LPP: variants seen among roughly 807,000 people sequenced by gnomAD.
LPP encodes the protein LIM domain containing preferred translocation partner in lipoma, also known as lipoma-preferred partner.
LPP carries 38 observed loss-of-function variants against 60.4 expected under a neutral mutation model. The ratio of observed to expected loss-of-function variants is 0.63; its 90% CI spans 0.49 to 0.83. LPP has a LOEUF of 0.83. Among genes scored for constraint, LPP ranks in the 40% least tolerant of loss-of-function variants. The pLI is 0.00. For missense variants in LPP, 902 were observed against 783.6 expected, an observed-to-expected ratio of 1.15 and a Z score of -1.80; for synonymous variants, 328 against 290.8, an observed-to-expected ratio of 1.13 and a Z score of -1.30.
At chr3:188,232,963 G>C (rs770224437) in intron 2 of LPP, among the ~76,000 whole-genome samples, 3 of 152,070 alleles carry the variant, frequency 2.0e-5, no homozygotes, top group Non-Finnish European at 4.4e-5. Context: ...TAAATGTTAA[G>C]TTTCTGATCA....
chr3:188,275,896 G>T (rs6797042), intron 2 of LPP, among the ~76,000 whole-genome samples: 7,236 of 151,838 alleles, frequency 0.048, 377 homozygotes, highest in African/African-American at 0.13. Context: ...GGCTGATCTC[G>T]AACTCCTGAC....
In LPP at chr3:188,609,816, C is replaced by G. The variant is rs770700192; in HGVS notation, c.1085C>G (p.Ala362Gly). Reference sequence around the variant, plus strand: ...ACCTATATCACAGATCCTGTTTCAGCCCCCTGTGCGCCACCATTGCAGCCA... The same window carrying G: ...ACCTATATCACAGATCCTGTTTCAGGCCCCTGTGCGCCACCATTGCAGCCA... ...KKTYITDPVS[A>G]PCAPPLQPKG... is the part of the protein sequence containing the mutation. The change falls in exon 7 of 12, where the codon GCC becomes GGC. Residue 362 changes from alanine (A) to glycine (G), a missense_variant. By Grantham distance (60) the Ala-to-Gly change is moderately conservative. Transcript: ENST00000617246. The surrounding 1 kb of genome is among the most constrained non-coding windows in gnomAD (Gnocchi z 6.9). 4 of 1,612,500 alleles carry G rather than the reference C, an allele frequency of 2.5e-6. No individual in the cohort carries two copies. The highest frequency in any genetic ancestry group is 1.6e-4 in the Middle Eastern group (1 of 6,072).
rs574135684 is a variant in LPP, at chr3:188,890,171, G to A, written c.*15692G>A. 7.3e-5 allele frequency: 16 copies of A among 217,878 alleles called. No homozygotes were observed. In the East Asian group the frequency reaches 1.1e-3, roughly 15 times the overall value. 13.5% of individuals were successfully genotyped at this position (217,878 alleles called of 1,614,324 possible). On this transcript the variant is annotated 3_prime_UTR_variant, in exon 12 of 12. Transcript: ENST00000617246. ...TCTCTATGCTAAATGTGTCTACTAA[G>A]AGCAGCACTTCCTACTAGCTAAGCA...
chr3:188,520,339 A>G (rs925885426), intron 5 of LPP, among the ~76,000 whole-genome samples: 2 of 152,116 alleles, frequency 1.3e-5, no homozygotes, highest in Admixed American at 6.5e-5. Flanking sequence ...TCAGCTCTGC[A>G]CAGGTGTGAC....
At chr3:188,671,185 A>G (rs1856880566) in intron 7 of LPP, among the ~76,000 whole-genome samples, 1 of 152,222 alleles carries the variant, frequency 6.6e-6, no homozygotes, top group African/African-American at 2.4e-5. Context: ...TATTATAACG[A>G]CCATAGATAC....
chr3:188,803,777 T>C (rs1025592720), intron 9 of LPP, among the ~76,000 whole-genome samples: 2 of 152,204 alleles, frequency 1.3e-5, no homozygotes, highest in Non-Finnish European at 2.9e-5. Flanking sequence ...TCAAAATTGT[T>C]TGGCTGTTCT....
chr3:188,848,932 C>T (rs1040169318), intron 9 of LPP, among the ~76,000 whole-genome samples: 4 of 150,702 alleles, frequency 2.7e-5, no homozygotes, highest in Non-Finnish European at 4.4e-5. Context: ...CACCACTGCA[C>T]TCCAGTCTGA....
chr3:188,621,156 G>C (rs780951652), intron 7 of LPP, among the ~76,000 whole-genome samples: 1 of 151,012 alleles, frequency 6.6e-6, no homozygotes, highest in South Asian at 2.1e-4. Context: ...AAAAAGAGTC[G>C]TTTATGTGGG....
chr3:188,754,072 T>C (rs1332130764), intron 8 of LPP, among the ~76,000 whole-genome samples: 1 of 152,208 alleles, frequency 6.6e-6, no homozygotes, highest in Admixed American at 6.5e-5. Flanking sequence ...GTTTGATGTA[T>C]GATGTGATAT....
chr3:188,496,055 T>C (rs1384385387), intron 5 of LPP, among the ~76,000 whole-genome samples: 1 of 152,174 alleles, frequency 6.6e-6, no homozygotes, highest in Non-Finnish European at 1.5e-5. Flanking sequence ...GCTATTATTA[T>C]CATTATTTTA....
chr3:188,473,427 G>A (rs1400639250), intron 4 of LPP, among the ~76,000 whole-genome samples: 1 of 152,090 alleles, frequency 6.6e-6, no homozygotes, highest in Non-Finnish European at 1.5e-5. Context: ...AGAGAGAGTT[G>A]TTCAATCTTT....
chr3:188,204,443 A>G lies in LPP; in HGVS notation c.-189-20962A>G, dbSNP rs148739308. ...CAGGAGGGCAACAGGGAATCTTGCA[A>G]TTGGAGTAGCGGGGGGTGATTCTCA... On this transcript the variant is annotated intron_variant, in intron 1 of 11. Coordinates refer to ENST00000617246, the MANE Select transcript of LPP (RefSeq NM_001375462.1). Among the ~76,000 whole-genome samples, 154 of 152,236 alleles carry G rather than the reference A, an allele frequency of 1.0e-3. 1 individual carries two copies. The highest frequency in any genetic ancestry group is 3.4e-3 in the African/African-American group (140 of 41,546).
intron 1 of LPP, among the ~76,000 whole-genome samples, chr3:188,222,347 T>C (rs1204388229): frequency 6.6e-6 from 1 of 152,160 alleles, no homozygotes; most frequent in Non-Finnish European, 1.5e-5. Flanking sequence ...ACTATAGGCT[T>C]TGAGAAATTA....
chr3:188,743,909 C>G (rs1725271085), intron 8 of LPP: 1 of 152,116 alleles, frequency 6.6e-6, no homozygotes, highest in Non-Finnish European at 1.5e-5. Context: ...CTGGTCTGGT[C>G]AGTCTGGTTT....
chr3:188,315,052 T>C (rs1221158316), intron 2 of LPP, among the ~76,000 whole-genome samples: 1 of 150,584 alleles, frequency 6.6e-6, no homozygotes, highest in African/African-American at 2.5e-5. Flanking sequence ...GAGTGAAGAA[T>C]GTGTTTGCTC....
chr3:188,462,556 A>C (rs1417432495), intron 4 of LPP, among the ~76,000 whole-genome samples: 12 of 38,272 alleles, frequency 3.1e-4, no homozygotes, highest in African/African-American at 1.0e-3. Context: ...ATATATATAT[A>C]TATATATATA....
chr3:188,485,796 C>CAAAAAAAAAAAAAAAA (rs766522013), intron 5 of LPP, among the ~76,000 whole-genome samples: 18 of 40,152 alleles, frequency 4.5e-4, no homozygotes, highest in South Asian at 1.2e-3. Flanking sequence ...GACTCCGTCT[C>CAAAAAAAAAAAAAAAA]AAAAAAAAAA....
chr3:188,885,423 G>C lies in LPP; in HGVS notation c.*10944G>C, dbSNP rs992164659. Reference sequence around the variant, plus strand: ...GTCCTCATGCCTGAGGAATAAGGGCGACATTAATGGGAGCGGGAGAGTGGT... The same window carrying C: ...GTCCTCATGCCTGAGGAATAAGGGCCACATTAATGGGAGCGGGAGAGTGGT... On this transcript the variant is annotated 3_prime_UTR_variant, in exon 12 of 12. Transcript: ENST00000617246. 1.0e-5 allele frequency: 2 copies of C among 190,930 alleles called. No individual in the cohort carries two copies. Among genetic ancestry groups the C allele is most frequent in the East Asian group, 8.3e-5 (1 of 12,094 alleles). 11.8% of individuals were successfully genotyped at this position (190,930 alleles called of 1,614,324 possible). A position where few individuals can be genotyped will look rare whatever the true frequency, so the allele number is the denominator to read the frequency against.
intron 5 of LPP, among the ~76,000 whole-genome samples, chr3:188,492,903 A>G (rs533334590): frequency 6.6e-6 from 1 of 152,318 alleles, no homozygotes; most frequent in East Asian, 1.9e-4. Flanking sequence ...ATGTTGTAAC[A>G]TTTTTAACTT....
Sources: gnomAD v4.1 joint callset for allele counts (sites outside exome capture counted in the v4.1 genomes callset) on GRCh38, gnomAD v4.1.1 for gene constraint, Gnocchi (gnomAD v3.1) non-coding constraint, MANE v1.5 for transcripts, NCBI Gene and HGNC (gene_info 2026-07-23, HGNC 2026-07-21) for gene names.